Variants in ENAH observed in about 807,000 individuals in gnomAD.
ENAH encodes protein enabled homolog.
ENAH carries 23 observed loss-of-function variants against 78.7 expected under a neutral mutation model. The observed-to-expected ratio is 0.29, with a 90% CI of 0.21 to 0.41. ENAH has a LOEUF of 0.41. Among genes scored for constraint, ENAH ranks in the 10% least tolerant of loss-of-function variants. The probability of loss-of-function intolerance (pLI) is 1.00; values close to 1 mark genes in which losing one functional copy is unlikely to be tolerated. For missense variants in ENAH, 544 were observed against 691.0 expected (o/e 0.79, Z 2.39); for synonymous variants, 226 against 241.0 (o/e 0.94, Z 0.58).
chr1:225,543,698 C>A (rs996012271), intron 3 of ENAH, among the ~76,000 whole-genome samples: 1 of 152,132 alleles, frequency 6.6e-6, no homozygotes, highest in Non-Finnish European at 1.5e-5. Flanking sequence ...TAACATAGTA[C>A]CTTAACAGGA....
intron 1 of ENAH, among the ~76,000 whole-genome samples, chr1:225,593,105 A>G (rs1019473518): frequency 1.3e-5 from 2 of 152,278 alleles, no homozygotes; most frequent in African/African-American, 4.8e-5. Flanking sequence ...TAACTATCAT[A>G]TAACAAAAAT....
intron 1 of ENAH, among the ~76,000 whole-genome samples, chr1:225,618,993 T>A (rs1252150724): frequency 6.6e-6 from 1 of 152,098 alleles, no homozygotes; most frequent in East Asian, 1.9e-4. Context: ...TTACCTTCTA[T>A]CCCCAAGATG....
chr1:225,635,922 C>A (rs1166679974), intron 1 of ENAH, among the ~76,000 whole-genome samples: 1 of 152,218 alleles, frequency 6.6e-6, no homozygotes, highest in Non-Finnish European at 1.5e-5. Flanking sequence ...AGAAATCCTC[C>A]TGTTTTGAGT....
At chr1:225,629,070 G>T (rs1558933669) in intron 1 of ENAH, among the ~76,000 whole-genome samples, 1 of 151,774 alleles carries the variant, frequency 6.6e-6, no homozygotes, top group African/African-American at 2.4e-5. Context: ...ACGAGGTCAA[G>T]AGTTCGGGAC....
At chr1:225,498,311 G>A in intron 13 of ENAH, 36 bp downstream of exon 13, 1 of 1,517,712 alleles carries the variant, frequency 6.6e-7, no homozygotes, top group Non-Finnish European at 9.1e-7. Context: ...CTTAAACATT[G>A]TTTTATAGGA....
chr1:225,497,649 T>G lies in ENAH; in HGVS notation c.*126A>C. The G allele has an allele frequency of 1.1e-6, 1 of 902,146 alleles. No homozygotes were observed. 55.9% of individuals were successfully genotyped at this position (902,146 alleles called of 1,614,324 possible). On this transcript the variant is annotated 3_prime_UTR_variant, in exon 14 of 14. Transcript: ENST00000366843. ...CTTTCAGAGTAGGTTGGTTTTTCCC[T>G]CCTTCTGTTTGTCTCCATTTTCTTC...
upstream of ENAH, among the ~76,000 whole-genome samples, chr1:225,653,755 C>G (rs1029796238): frequency 3.9e-5 from 6 of 152,202 alleles, no homozygotes; most frequent in African/African-American, 7.2e-5. The surrounding 1 kb of genome is among the most constrained non-coding windows in gnomAD (Gnocchi z 4.3). Flanking sequence ...GGGGGCATCC[C>G]GGTCAGCCCA....
chr1:225,511,887 A>C, intron 9 of ENAH, 28 bp from the exon 10 acceptor site: 3 of 1,481,384 alleles, frequency 2.0e-6, no homozygotes, highest in Non-Finnish European at 2.8e-6. Flanking sequence ...TATTAATATC[A>C]CATCTACCAG....
chr1:225,556,146 G>A (rs1187464431), intron 2 of ENAH, among the ~76,000 whole-genome samples: 3 of 152,076 alleles, frequency 2.0e-5, no homozygotes, highest in Admixed American at 1.3e-4. Context: ...TGCAGTTTGG[G>A]CTATTAAAAA....
intron 1 of ENAH, among the ~76,000 whole-genome samples, chr1:225,634,605 A>G (rs1659729739): frequency 6.6e-6 from 1 of 152,230 alleles, no homozygotes; most frequent in African/African-American, 2.4e-5. Flanking sequence ...TTTTAAGAAA[A>G]AAACACTAAA....
At chr1:225,618,085 G>T (rs1422163065) in intron 1 of ENAH, among the ~76,000 whole-genome samples, 1 of 152,148 alleles carries the variant, frequency 6.6e-6, no homozygotes, top group Non-Finnish European at 1.5e-5. Flanking sequence ...TGAGGCAAAG[G>T]AACATAATTT....
chr1:225,556,652 C>T (rs909257775), intron 2 of ENAH, among the ~76,000 whole-genome samples: 8 of 152,122 alleles, frequency 5.3e-5, no homozygotes, highest in East Asian at 1.9e-4. Context: ...TCACTCTTAA[C>T]GGTGTCTTGA....
intron 2 of ENAH, among the ~76,000 whole-genome samples, chr1:225,564,934 A>G (rs2096727400): frequency 6.6e-6 from 1 of 151,932 alleles, no homozygotes; most frequent in Non-Finnish European, 1.5e-5. Flanking sequence ...TCTATATGTA[A>G]TATCACTCAG....
chr1:225,564,886 C>G (rs1355556597), intron 2 of ENAH, among the ~76,000 whole-genome samples: 4 of 151,904 alleles, frequency 2.6e-5, no homozygotes, highest in South Asian at 4.2e-4. Flanking sequence ...ACAATTAAGA[C>G]TTGTCCATCT....
intron 3 of ENAH, among the ~76,000 whole-genome samples, chr1:225,537,643 T>TCAGCATACGATG (rs1352616818): frequency 1.3e-5 from 2 of 152,180 alleles, no homozygotes; most frequent in Non-Finnish European, 2.9e-5. Context: ...CAGCATACTT[T>TCAGCATACGATG]TTAACACTAG....
intron 1 of ENAH, among the ~76,000 whole-genome samples, chr1:225,635,412 C>T (rs1178426131): frequency 2.0e-5 from 3 of 152,134 alleles, no homozygotes; most frequent in African/African-American, 7.2e-5. Context: ...TTTTGTGTGA[C>T]GATCTTGTAC....
In ENAH at chr1:225,490,621, C is replaced by T. The variant is rs1166210723; in HGVS notation, c.*7154G>A. 1.3e-5 allele frequency: 2 copies of T among 152,096 alleles called. No homozygotes were observed. Among genetic ancestry groups the T allele is most frequent in the Admixed American group, 1.3e-4 (2 of 15,268 alleles). The allele number at this position is 152,096 out of a possible 1,614,324, so 9.4% of individuals were successfully genotyped here. Reference sequence around the variant, plus strand: ...CTTAAAATGATCAAGCCCAAAGTACCTCTGGGAAGGACACCAAATTGTAAA... The same window carrying T: ...CTTAAAATGATCAAGCCCAAAGTACTTCTGGGAAGGACACCAAATTGTAAA... On this transcript the variant is annotated 3_prime_UTR_variant, in exon 14 of 14. Transcript: ENST00000366843.
chr1:225,522,990 A>C (rs1252629571), intron 4 of ENAH, among the ~76,000 whole-genome samples: 2 of 152,038 alleles, frequency 1.3e-5, no homozygotes, highest in African/African-American at 4.8e-5. Flanking sequence ...TCACTGCCTC[A>C]ACCCTCCCAC....
intron 1 of ENAH, among the ~76,000 whole-genome samples, chr1:225,643,023 C>T (rs1399153834): frequency 6.6e-6 from 1 of 152,218 alleles, no homozygotes; most frequent in East Asian, 1.9e-4. Flanking sequence ...ACTGATACAA[C>T]TCCCTTTAGT....
Sources: gnomAD v4.1 joint callset for allele counts (sites outside exome capture counted in the v4.1 genomes callset) on GRCh38, gnomAD v4.1.1 for gene constraint, Gnocchi (gnomAD v3.1) non-coding constraint, MANE v1.5 for transcripts, NCBI Gene and HGNC (gene_info 2026-07-23, HGNC 2026-07-21) for gene names.